Variants in TMEM132D observed in about 807,000 individuals in gnomAD.
TMEM132D encodes the protein mature OL transmembrane protein.
A neutral mutation model predicts 62.3 loss-of-function variants in TMEM132D; 21 were observed. The observed-to-expected ratio is 0.34, with a 90% CI of 0.24 to 0.49. The LOEUF (loss-of-function observed/expected upper bound fraction) is 0.49, where lower values mean the gene tolerates loss of function less well. Ranked by LOEUF, TMEM132D falls within the 20% of genes least tolerant of loss-of-function variation. The pLI is 0.99. For missense variants in TMEM132D, 1,346 were observed against 1,402.8 expected (o/e 0.96, Z 0.65); for synonymous variants, 621 against 575.6 (o/e 1.08, Z -1.13).
intron 5 of TMEM132D, chr12:129,111,511 T>C (rs1344574859): frequency 1.3e-5 from 2 of 152,224 alleles, no homozygotes; most frequent in Non-Finnish European, 1.5e-5. Context: ...TTTGCACTGA[T>C]CACTGTGAGT....
chr12:129,267,574 T>C (rs59570759), intron 4 of TMEM132D, among the ~76,000 whole-genome samples: 1 of 152,234 alleles, frequency 6.6e-6, no homozygotes, highest in African/African-American at 2.4e-5. Flanking sequence ...TCATGGATAG[T>C]AAGAATCAAT....
At position 129,635,149 on chromosome 12, in the gene TMEM132D, C is replaced by T. The variant is rs1003338547; in HGVS notation, c.968+64661G>A. Reference sequence around the variant, plus strand: ...TAAATGTAACAGCCTCACCTTCCCTCGCTGTCCCAGCATCCACCACTTTGA... The same window carrying T: ...TAAATGTAACAGCCTCACCTTCCCTTGCTGTCCCAGCATCCACCACTTTGA... On this transcript the variant is annotated intron_variant, in intron 2 of 8. Transcript: ENST00000422113. Among the ~76,000 whole-genome samples, 7 of 152,350 alleles carry T rather than the reference C, an allele frequency of 4.6e-5. No homozygotes were observed. In the East Asian group the frequency reaches 5.8e-4, roughly 13 times the overall value.
At chr12:129,387,022 C>A (rs1871124768) in intron 3 of TMEM132D, among the ~76,000 whole-genome samples, 1 of 152,042 alleles carries the variant, frequency 6.6e-6, no homozygotes, top group African/African-American at 2.4e-5. Context: ...TCACACTATA[C>A]TAACACTAAC....
chr12:129,463,470 G>GTAT (rs71082722), intron 3 of TMEM132D, among the ~76,000 whole-genome samples: 15,180 of 117,444 alleles, frequency 0.13, 869 homozygotes, highest in South Asian at 0.25. Context: ...ATTTATTTAT[G>GTAT]TATTATTATT....
chr12:129,336,306 G>A (rs890724754), intron 4 of TMEM132D, among the ~76,000 whole-genome samples: 6 of 152,064 alleles, frequency 3.9e-5, no homozygotes, highest in Non-Finnish European at 7.4e-5. Context: ...GGCTGGGCAC[G>A]GTGGCTCACA....
intron 1 of TMEM132D, among the ~76,000 whole-genome samples, chr12:129,834,143 T>A (rs916780211): frequency 1.3e-4 from 20 of 152,148 alleles, no homozygotes; most frequent in African/African-American, 4.6e-4. Flanking sequence ...TCCTTTCCCT[T>A]CCTTCTTCAT....
intron 5 of TMEM132D, among the ~76,000 whole-genome samples, chr12:129,172,022 T>C (rs2135546866): frequency 6.6e-6 from 1 of 152,388 alleles, no homozygotes; most frequent in Non-Finnish European, 1.5e-5. Flanking sequence ...AAGCACTAGA[T>C]GACATCTTCT....
intron 4 of TMEM132D, among the ~76,000 whole-genome samples, chr12:129,258,084 C>T (rs1302154917): frequency 6.6e-6 from 1 of 152,184 alleles, no homozygotes; most frequent in African/African-American, 2.4e-5. Context: ...CCCGTTTGCT[C>T]ATAAAACTAG....
intron 3 of TMEM132D, among the ~76,000 whole-genome samples, chr12:129,490,047 G>T (rs559940987): frequency 2.6e-5 from 4 of 152,204 alleles, no homozygotes; most frequent in Admixed American, 2.0e-4. Flanking sequence ...AAATGCTCTG[G>T]GCTTAACCAT....
At chr12:129,683,729 G>A in intron 2 of TMEM132D, among the ~76,000 whole-genome samples, 1 of 152,176 alleles carries the variant, frequency 6.6e-6, no homozygotes, top group African/African-American at 2.4e-5. Context: ...CCAGAATGTA[G>A]TAATGTACCT....
At chr12:129,525,911 C>A (rs1459187083) in intron 3 of TMEM132D, among the ~76,000 whole-genome samples, 1 of 152,256 alleles carries the variant, frequency 6.6e-6, no homozygotes, top group East Asian at 1.9e-4. Flanking sequence ...CAGTTGCCCA[C>A]AAAAGGAAAG....
At position 129,612,833 on chromosome 12, in the gene TMEM132D, C is replaced by T. The variant is rs151101522; in HGVS notation, c.969-81628G>A. Among the ~76,000 whole-genome samples the T allele has an allele frequency of 5.7e-3, 873 of 152,272 alleles. 11 individuals are homozygous for T. The highest frequency in any genetic ancestry group is 0.019 in the African/African-American group (810 of 41,570). On this transcript the variant is annotated intron_variant, in intron 2 of 8. Transcript: ENST00000422113. ...AGTGAGCCGAGATCACGCCACTGTACTCCAGCCTGGCGACAGAGCGAGACT... is the reference window on the plus strand; with the variant it reads ...AGTGAGCCGAGATCACGCCACTGTATTCCAGCCTGGCGACAGAGCGAGACT...
intron 2 of TMEM132D, among the ~76,000 whole-genome samples, chr12:129,572,455 C>CTTTCT (rs1877541649): frequency 1.3e-5 from 2 of 151,968 alleles, no homozygotes. Flanking sequence ...TTCTTTCTTT[C>CTTTCT]TTTTTTTGTT....
chr12:129,338,972 CAGAG>C (rs942948074), intron 3 of TMEM132D, among the ~76,000 whole-genome samples: 5 of 150,678 alleles, frequency 3.3e-5, no homozygotes, highest in Admixed American at 2.0e-4. Flanking sequence ...GAGAGACAGA[CAGAG>C]AGAGAGAAAG....
At chr12:129,479,284 T>G (rs1165246979) in intron 3 of TMEM132D, among the ~76,000 whole-genome samples, 1 of 152,146 alleles carries the variant, frequency 6.6e-6, no homozygotes, top group African/African-American at 2.4e-5. Flanking sequence ...TGAAAAAGCT[T>G]TGGTGAAAAA....
At chr12:129,261,839 C>A (rs1439137306) in intron 4 of TMEM132D, among the ~76,000 whole-genome samples, 2 of 152,152 alleles carry the variant, frequency 1.3e-5, no homozygotes, top group African/African-American at 4.8e-5. Context: ...ATTAAAGTCC[C>A]TATGTCCAAA....
chr12:129,771,874 A>G (rs1174659643), intron 1 of TMEM132D, among the ~76,000 whole-genome samples: 4 of 152,262 alleles, frequency 2.6e-5, no homozygotes, highest in Non-Finnish European at 5.9e-5. Flanking sequence ...TTAGCTCATC[A>G]ATTTGCACAA....
chr12:129,848,571 A>C (rs1024614527), intron 1 of TMEM132D, among the ~76,000 whole-genome samples: 18 of 152,342 alleles, frequency 1.2e-4, no homozygotes, highest in African/African-American at 4.1e-4. Flanking sequence ...AGCAAGGACT[A>C]TCCTGGGTAG....
intron 3 of TMEM132D, among the ~76,000 whole-genome samples, chr12:129,517,658 A>C (rs890657177): frequency 6.6e-6 from 1 of 152,192 alleles, no homozygotes; most frequent in African/African-American, 2.4e-5. Context: ...TAAAAACTAC[A>C]TGAAATTTTC....
Sources: allele counts gnomAD v4.1 joint callset (sites outside exome capture counted in the v4.1 genomes callset), GRCh38; gene constraint gnomAD v4.1.1; transcripts MANE v1.5; gene names NCBI Gene and HGNC (gene_info 2026-07-23, HGNC 2026-07-21).